TNFAIP6: variants seen among roughly 807,000 people sequenced by gnomAD.
TNFAIP6 encodes the protein TNF alpha induced protein 6, also known as tumor necrosis factor-inducible gene 6 protein.
In TNFAIP6, 36 loss-of-function variants were observed where a neutral mutation model predicts 33.7. That is an observed-to-expected ratio of 1.07 (90% CI 0.82 to 1.41). The LOEUF (loss-of-function observed/expected upper bound fraction) is 1.41. TNFAIP6 is among the 40% of genes most tolerant of loss of function. The pLI, the probability that TNFAIP6 is intolerant of heterozygous loss-of-function variation, is 0.00. For synonymous variants in TNFAIP6, 113 were observed against 112.8 expected (o/e 1.00, Z -0.01); for missense variants, 273 against 331.9 (o/e 0.82, Z 1.38).
chr2:151,379,377 C>T lies in TNFAIP6; in HGVS notation c.678C>T (p.Thr226=), dbSNP rs747096071. 4 of 1,595,230 alleles carry T rather than the reference C, an allele frequency of 2.5e-6. No individual in the cohort carries two copies. Among genetic ancestry groups the T allele is most frequent in the Non-Finnish European group, 3.4e-6 (4 of 1,173,544 alleles). Residue 226 remains threonine (T), a synonymous_variant, in exon 6 of 6, where the codon ACC becomes ACT. Coordinates refer to ENST00000243347, the MANE Select transcript of TNFAIP6 (RefSeq NM_007115.4). ...TCCCCGCAACAGGAAATGTCATGAC[C>T]TTGAAGTTTCTAAGTGATGCTTCAG... The part of the protein sequence containing the change: ...DDIISTGNVM[T]LKFLSDASVT...
At chr2:151,373,185 C>A (rs947759686) in intron 4 of TNFAIP6, among the ~76,000 whole-genome samples, 4 of 151,810 alleles carry the variant, frequency 2.6e-5, no homozygotes, top group Non-Finnish European at 5.9e-5. Context: ...AGGTGTGGTG[C>A]ATGCCTGTAA....
chr2:151,376,860 C>CT (rs1256047816), intron 5 of TNFAIP6, among the ~76,000 whole-genome samples: 4 of 113,340 alleles, frequency 3.5e-5, no homozygotes, highest in Non-Finnish European at 7.3e-5. Flanking sequence ...ATTTCTTTTT[C>CT]TTTTCTTTTT....
chr2:151,359,631 G>T (rs374515910), intron 1 of TNFAIP6, among the ~76,000 whole-genome samples: 53 of 152,054 alleles, frequency 3.5e-4, no homozygotes, highest in Admixed American at 2.6e-4. Context: ...CTCGTGATCC[G>T]CCCACCTTGG....
chr2:151,362,656 A>C (rs572213143), intron 1 of TNFAIP6, among the ~76,000 whole-genome samples: 1 of 151,268 alleles, frequency 6.6e-6, no homozygotes, highest in Non-Finnish European at 1.5e-5. Flanking sequence ...ACGCCTGGCT[A>C]ATTTTTTGTA....
At chr2:151,363,424 G>A (rs1684660449) in intron 1 of TNFAIP6, among the ~76,000 whole-genome samples, 1 of 152,014 alleles carries the variant, frequency 6.6e-6, no homozygotes, top group Non-Finnish European at 1.5e-5. Context: ...TTGGGAGGCC[G>A]AGGCGGGTGG....
At chr2:151,372,695 G>T (rs1187947351) in intron 4 of TNFAIP6, among the ~76,000 whole-genome samples, 1 of 152,138 alleles carries the variant, frequency 6.6e-6, no homozygotes, top group African/African-American at 2.4e-5. Context: ...CGAGGCAGTT[G>T]GATCACCTGA....
At chr2:151,372,558 A>C (rs1389652872) in intron 4 of TNFAIP6, among the ~76,000 whole-genome samples, 1 of 152,216 alleles carries the variant, frequency 6.6e-6, no homozygotes, top group Non-Finnish European at 1.5e-5. Flanking sequence ...AATTCAAAAT[A>C]TTAATATCAC....
intron 4 of TNFAIP6, among the ~76,000 whole-genome samples, chr2:151,372,900 A>G (rs941934433): frequency 6.6e-6 from 1 of 152,194 alleles, no homozygotes; most frequent in African/African-American, 2.4e-5. Context: ...AGCCCGGGCT[A>G]TAGACCGAGA....
At chr2:151,376,992 C>G (rs1377772357) in intron 5 of TNFAIP6, among the ~76,000 whole-genome samples, 4 of 149,130 alleles carry the variant, frequency 2.7e-5, no homozygotes, top group Admixed American at 1.3e-4. Context: ...TTTTCCCGCA[C>G]AAGGCTAATT....
At chr2:151,370,867 T>C (rs1411177065) in intron 4 of TNFAIP6, among the ~76,000 whole-genome samples, 2 of 152,148 alleles carry the variant, frequency 1.3e-5, no homozygotes, top group Admixed American at 6.5e-5. Context: ...GGTCAGGAGT[T>C]CAAGACCAGC....
chr2:151,377,345 A>G (rs1684932213), intron 5 of TNFAIP6, among the ~76,000 whole-genome samples: 1 of 150,928 alleles, frequency 6.6e-6, no homozygotes, highest in South Asian at 2.1e-4. Context: ...AATTTTTTGT[A>G]TTTTTAGTAG....
At chr2:151,359,727 T>G (rs532069727) in intron 1 of TNFAIP6, among the ~76,000 whole-genome samples, 1 of 152,240 alleles carries the variant, frequency 6.6e-6, no homozygotes, top group South Asian at 2.1e-4. Flanking sequence ...TACAAATTTG[T>G]GTTGGGCCAC....
At chr2:151,379,268 T>A in intron 5 of TNFAIP6, 96 bp from the exon 6 acceptor site, 1 of 1,136,940 alleles carries the variant, frequency 8.8e-7, no homozygotes, top group African/African-American at 1.6e-5. Context: ...GTTCATGAAT[T>A]CTTATATTCT....
At chr2:151,376,627 A>G (rs1389450876) in intron 5 of TNFAIP6, among the ~76,000 whole-genome samples, 1 of 152,078 alleles carries the variant, frequency 6.6e-6, no homozygotes, top group Admixed American at 6.6e-5. Context: ...TTTCCATGTC[A>G]GAGTATGATA....
Position 151,379,601 on chromosome 2 carries a change from C to A in TNFAIP6, c.*68C>A. The A allele has an allele frequency of 9.2e-7, 1 of 1,090,468 alleles. No homozygotes were observed. The highest frequency in any genetic ancestry group is 1.2e-6 in the Non-Finnish European group (1 of 806,720). The allele number at this position is 1,090,468 out of a possible 1,614,324, so 67.5% of individuals were successfully genotyped here. A position where few individuals can be genotyped will look rare whatever the true frequency, so the allele number is the denominator to read the frequency against. ...GAATCTTTTGGAACTCCTTTGATCTCACTGTTATTATTAACATTTATTTAT... is the reference window on the plus strand; with the variant it reads ...GAATCTTTTGGAACTCCTTTGATCTAACTGTTATTATTAACATTTATTTAT... On this transcript the variant is annotated 3_prime_UTR_variant, in exon 6 of 6. Transcript: ENST00000243347.
Position 151,379,350 on chromosome 2 carries a change from C to A in TNFAIP6, c.665-14C>A. On this transcript the variant is annotated splice_polypyrimidine_tract_variant and intron_variant, in intron 5 of 5. Transcript: ENST00000243347. The stretch of plus-strand genomic sequence containing the variant: ...AGTAACATCTTTGTTCTTTTGCCTC[C>A]TTCCCCGCAACAGGAAATGTCATGA... 1 of 1,575,680 alleles carries A rather than the reference C, an allele frequency of 6.3e-7. No individual in the cohort carries two copies.
At chr2:151,362,348 G>A (rs891445135) in intron 1 of TNFAIP6, among the ~76,000 whole-genome samples, 10 of 152,044 alleles carry the variant, frequency 6.6e-5, no homozygotes, top group African/African-American at 1.9e-4. Flanking sequence ...AAAAAATTGA[G>A]GCATTAACTG....
chr2:151,366,162 T>C lies in TNFAIP6; in HGVS notation c.339T>C (p.Tyr113=). Residue 113 remains tyrosine, a synonymous_variant, in exon 3 of 6, where the codon TAT becomes TAC. Coordinates refer to ENST00000243347, the MANE Select transcript of TNFAIP6 (RefSeq NM_007115.4). ...CGFGKTGIID[Y]GIRLNRSERW... The stretch of plus-strand genomic sequence containing the variant: ...TTGGAAAAACTGGCATTATTGATTA[T>C]GGAATCCGTCTCAATAGGAGTGAAA... 6.2e-7 allele frequency: 1 copy of C among 1,614,154 alleles called. No homozygotes were observed. Among genetic ancestry groups the C allele is most frequent in the South Asian group, 1.1e-5 (1 of 91,084 alleles).
chr2:151,367,485 G>T (rs1299878893), intron 3 of TNFAIP6, among the ~76,000 whole-genome samples: 2 of 151,786 alleles, frequency 1.3e-5, no homozygotes, highest in Non-Finnish European at 2.9e-5. Context: ...CTTTTCAAAT[G>T]TATTCTCTGA....
Sources: gnomAD v4.1 joint callset for allele counts (sites outside exome capture counted in the v4.1 genomes callset) on GRCh38, gnomAD v4.1.1 for gene constraint, MANE v1.5 for transcripts, NCBI Gene and HGNC (gene_info 2026-07-23, HGNC 2026-07-21) for gene names.